PLEKHD1: variants seen among roughly 807,000 people sequenced by gnomAD.
PLEKHD1 encodes pleckstrin homology and coiled-coil domain containing D1.
PLEKHD1 carries 51 observed loss-of-function variants against 69.2 expected under a neutral mutation model. The ratio of observed to expected loss-of-function variants is 0.74; its 90% CI spans 0.59 to 0.93. The LOEUF (loss-of-function observed/expected upper bound fraction) is 0.93. Among genes scored for constraint, PLEKHD1 ranks in the 40% least tolerant of loss-of-function variants. The pLI is 0.00. For synonymous variants in PLEKHD1, 236 were observed against 244.7 expected (o/e 0.96, Z 0.33); for missense variants, 584 against 641.0 (o/e 0.91, Z 0.96).
chr14:69,510,920 G>A (rs1883256616), intron 6 of PLEKHD1, among the ~76,000 whole-genome samples: 1 of 152,108 alleles, frequency 6.6e-6, no homozygotes, highest in Admixed American at 6.5e-5. Flanking sequence ...ATCACATTGA[G>A]GAAGTTCCTC....
At chr14:69,494,768 A>G (rs1029692932) in intron 1 of PLEKHD1, among the ~76,000 whole-genome samples, 4 of 152,204 alleles carry the variant, frequency 2.6e-5, no homozygotes, top group Non-Finnish European at 5.9e-5. Context: ...GGGAAGAGGA[A>G]GTGTACCTCT....
rs1215009498 is a variant in PLEKHD1 at position 69,531,332 on chromosome 14, A to G, written c.*2913A>G. ...CCCTGTATTTTCCATGCCTCAGGCA[A>G]GTCTGAATTATCTTCAGCCAACTGA... On this transcript the variant is annotated 3_prime_UTR_variant, in exon 13 of 13. Transcript: ENST00000322564. The G allele has an allele frequency of 6.6e-6, 1 of 152,262 alleles. No individual in the cohort carries two copies. Among genetic ancestry groups the G allele is most frequent in the African/African-American group, 2.4e-5 (1 of 41,454 alleles). The allele number at this position is 152,262 out of a possible 1,614,324, so 9.4% of individuals were successfully genotyped here.
the PLEKHD1 span, among the ~76,000 whole-genome samples, chr14:69,468,004 A>T: frequency 0.013 from 1,958 of 152,308 alleles, 26 homozygotes; most frequent in Non-Finnish European, 0.019. Context: ...CTTGATACAC[A>T]GCCTTCTGTG....
Position 69,527,776 on chromosome 14 carries a change from G to A in PLEKHD1, c.1202-7G>A, listed in dbSNP as rs746513911. The A allele has an allele frequency of 3.1e-5, 48 of 1,551,276 alleles. No individual in the cohort carries two copies. The highest frequency in any genetic ancestry group is 3.3e-4 in the Middle Eastern group (2 of 6,012). ...GAACCCCACCCTTCCTGGCCCTGCC[G>A]CCACAGGGTTCTTTGAGGAGTGCAT... On this transcript the variant is annotated splice_polypyrimidine_tract_variant and splice_region_variant and intron_variant, in intron 11 of 12. Transcript: ENST00000322564.
Position 69,528,546 on chromosome 14 carries a change from C to A in PLEKHD1, c.*127C>A, listed in dbSNP as rs374662803. The A allele has an allele frequency of 3.1e-6, 4 of 1,276,340 alleles. No homozygotes were observed. The highest frequency in any genetic ancestry group is 4.2e-6 in the Non-Finnish European group (4 of 952,266). 79.1% of individuals were successfully genotyped at this position (1,276,340 alleles called of 1,614,324 possible). A position where few individuals can be genotyped will look rare whatever the true frequency, so the allele number is the denominator to read the frequency against. ...TCTGGAGCCTATGTCTCCTCTGGGC[C>A]GGAGCTCCACTTGGGGGCCAGCCTT... On this transcript the variant is annotated 3_prime_UTR_variant, in exon 13 of 13. Coordinates refer to ENST00000322564, the MANE Select transcript of PLEKHD1 (RefSeq NM_001161498.2).
At chr14:69,511,550 T>C (rs1217189554) in intron 6 of PLEKHD1, among the ~76,000 whole-genome samples, 1 of 152,106 alleles carries the variant, frequency 6.6e-6, no homozygotes, top group African/African-American at 2.4e-5. Context: ...TTTCTCCTTT[T>C]CTTTTTTTTC....
chr14:69,527,695 A>C, intron 11 of PLEKHD1, 88 bp from the exon 12 acceptor site: 3 of 1,464,038 alleles, frequency 2.0e-6, no homozygotes, highest in Non-Finnish European at 2.8e-6. Context: ...TTTCCCACTC[A>C]ATCTCACCAG....
upstream of PLEKHD1, among the ~76,000 whole-genome samples, chr14:69,481,333 C>CA (rs879462946): frequency 5.3e-5 from 8 of 151,914 alleles, no homozygotes; most frequent in South Asian, 2.1e-4. Flanking sequence ...ACAACAACAA[C>CA]AAAAAAATAT....
rs1413539830 is a variant in PLEKHD1 at position 69,500,923 on chromosome 14, A to T, written c.386A>T (p.Glu129Val). 2 of 1,551,482 alleles carry T rather than the reference A, an allele frequency of 1.3e-6. No individual in the cohort carries two copies. Among genetic ancestry groups the T allele is most frequent in the Admixed American group, 3.9e-5 (2 of 51,008 alleles). Residue 129 changes from glutamate to valine, a missense_variant, in exon 4 of 13, where the codon GAG becomes GTG. Coordinates refer to ENST00000322564, the MANE Select transcript of PLEKHD1 (RefSeq NM_001161498.2). ...GAGTTTGAGCAGACCCAGTGGCTGG[A>T]GATGCTGCAGGAGTCTGGGAAGGTG... ...ESEFEQTQWLEMLQESGKVTW... is the reference protein window; with the variant it reads ...ESEFEQTQWLVMLQESGKVTW...
intron 1 of PLEKHD1, among the ~76,000 whole-genome samples, chr14:69,490,285 CATA>C (rs1566935688): frequency 6.6e-6 from 1 of 152,220 alleles, no homozygotes; most frequent in Non-Finnish European, 1.5e-5. Context: ...ATTAGATTCT[CATA>C]ATGACTGTGC....
chr14:69,502,886 G>A lies in PLEKHD1; in HGVS notation c.555+7G>A. 1 of 1,551,636 alleles carries A rather than the reference G, an allele frequency of 6.4e-7. No homozygotes were observed. The highest frequency in any genetic ancestry group is 2.4e-5 in the East Asian group (1 of 40,924). ...TCAGAGGGAGCAGAGAGAGGTAGGT[G>A]CACACCAAGGGGCTCTCAGCAGCCG... is the stretch of plus-strand genomic sequence containing the variant. On this transcript the variant is annotated splice_region_variant and intron_variant, in intron 6 of 12. Transcript: ENST00000322564.
chr14:69,484,906 G>T lies in PLEKHD1; in HGVS notation c.-60G>T. ...CGGCTCCGCCCTCGCCTCTCGCCCCGAGTCCCTGCTGACCCCGGGGAGGTG... is the reference window on the plus strand; with the variant it reads ...CGGCTCCGCCCTCGCCTCTCGCCCCTAGTCCCTGCTGACCCCGGGGAGGTG... On this transcript the variant is annotated 5_prime_UTR_variant, in exon 1 of 13. Coordinates refer to ENST00000322564, the MANE Select transcript of PLEKHD1 (RefSeq NM_001161498.2). 2 of 1,527,822 alleles carry T rather than the reference G, an allele frequency of 1.3e-6. No individual in the cohort carries two copies. Among genetic ancestry groups the T allele is most frequent in the South Asian group, 1.2e-5 (1 of 81,880 alleles). The allele number at this position is 1,527,822 out of a possible 1,614,324, so 94.6% of individuals were successfully genotyped here.
Position 69,528,654 on chromosome 14 carries a change from G to T in PLEKHD1, c.*235G>T, listed in dbSNP as rs538018343. On this transcript the variant is annotated 3_prime_UTR_variant, in exon 13 of 13. Transcript: ENST00000322564. ...GTCCACACCAGGGCCATGCAGGCCT[G>T]AGCTGGGTGCTGGTTGTCATGGTGA... The T allele has an allele frequency of 1.0e-5, 6 of 582,518 alleles. No individual in the cohort carries two copies. In the East Asian group the frequency reaches 1.8e-4, roughly 17 times the overall value. The allele number at this position is 582,518 out of a possible 1,614,324, so 36.1% of individuals were successfully genotyped here.
rs61153061 is a variant in PLEKHD1 at position 69,510,603 on chromosome 14, T to TATCCTACAATCTTGC, written c.555+7725_555+7739dup. ...TAATTGACTTTGTACATTAATCTTG[T>TATCCTACAATCTTGC]ATCCTACAATCTTGCTACAATTGCT... On this transcript the variant is annotated intron_variant, in intron 6 of 12. Coordinates refer to ENST00000322564, the MANE Select transcript of PLEKHD1 (RefSeq NM_001161498.2). Among the ~76,000 whole-genome samples, 63 of 152,358 alleles carry TATCCTACAATCTTGC rather than the reference T, an allele frequency of 4.1e-4. No individual in the cohort carries two copies. In the East Asian group the frequency reaches 4.6e-3, roughly 11 times the overall value.
Position 69,528,287 on chromosome 14 carries a change from T to G in PLEKHD1, c.1389T>G (p.Asp463Glu). Residue 463 changes from aspartate to glutamate, a missense_variant, in exon 13 of 13, where the codon GAT becomes GAG. Physicochemically the swap from Asp to Glu is conservative, Grantham distance 45. Coordinates refer to ENST00000322564, the MANE Select transcript of PLEKHD1 (RefSeq NM_001161498.2). Reference sequence around the variant, plus strand: ...AGTCCTTCATGACCTCCCAGCTGGATGCCAACAACATGGAGGAGCTAAAGG... The same window carrying G: ...AGTCCTTCATGACCTCCCAGCTGGAGGCCAACAACATGGAGGAGCTAAAGG... ...PSQSFMTSQL[D>E]ANNMEELKEV... The G allele has an allele frequency of 6.4e-7, 1 of 1,551,698 alleles. No homozygotes were observed. Among genetic ancestry groups the G allele is most frequent in the South Asian group, 1.2e-5 (1 of 84,060 alleles).
At chr14:69,514,314 G>A (rs1347225223) in intron 6 of PLEKHD1, among the ~76,000 whole-genome samples, 1 of 150,538 alleles carries the variant, frequency 6.6e-6, no homozygotes, top group Non-Finnish European at 1.5e-5. Flanking sequence ...TATTGTCATA[G>A]CCTCAAGCTG....
intron 1 of PLEKHD1, among the ~76,000 whole-genome samples, chr14:69,493,937 G>T (rs779944607): frequency 1.2e-4 from 19 of 152,204 alleles, no homozygotes; most frequent in Non-Finnish European, 2.1e-4. Context: ...CTTCACACGG[G>T]GGGCAGGGGG....
At chr14:69,485,146 C>T (rs1882627141) in intron 1 of PLEKHD1, 32 bp downstream of exon 1, 2 of 1,538,686 alleles carry the variant, frequency 1.3e-6, no homozygotes, top group Non-Finnish European at 1.8e-6. Context: ...AAGGAGACCG[C>T]CGGGGAGAGA....
At position 69,484,913 on chromosome 14, in the gene PLEKHD1, T is replaced by A; in HGVS notation, c.-53T>A. 6.5e-7 allele frequency: 1 copy of A among 1,533,382 alleles called. No individual in the cohort carries two copies. Among genetic ancestry groups the A allele is most frequent in the Non-Finnish European group, 8.8e-7 (1 of 1,135,436 alleles). The allele number at this position is 1,533,382 out of a possible 1,614,324, so 95.0% of individuals were successfully genotyped here. On this transcript the variant is annotated 5_prime_UTR_variant, in exon 1 of 13. Coordinates refer to ENST00000322564, the MANE Select transcript of PLEKHD1 (RefSeq NM_001161498.2). ...GCCCTCGCCTCTCGCCCCGAGTCCCTGCTGACCCCGGGGAGGTGGGGTCCG... is the reference window on the plus strand; with the variant it reads ...GCCCTCGCCTCTCGCCCCGAGTCCCAGCTGACCCCGGGGAGGTGGGGTCCG...
Sources: gnomAD v4.1 joint callset for allele counts (sites outside exome capture counted in the v4.1 genomes callset) on GRCh38, gnomAD v4.1.1 for gene constraint, MANE v1.5 for transcripts, NCBI Gene and HGNC (gene_info 2026-07-23, HGNC 2026-07-21) for gene names.